Variants in UNC5D observed in about 807,000 individuals in gnomAD.
UNC5D encodes the protein netrin receptor UNC5D.
Under a neutral mutation model 105.4 loss-of-function variants are expected in UNC5D, and 39 were observed. The observed-to-expected ratio is 0.37, with a 90% CI of 0.29 to 0.48. UNC5D has a LOEUF of 0.48. Ranked by LOEUF, UNC5D falls within the 20% of genes least tolerant of loss-of-function variation. The pLI is 0.98. For synonymous variants in UNC5D, 452 were observed against 450.4 expected (o/e 1.00, Z -0.04); for missense variants, 991 against 1,202.4 (o/e 0.82, Z 2.60).
intron 1 of UNC5D, among the ~76,000 whole-genome samples, chr8:35,395,778 C>T (rs2128945168): frequency 6.6e-6 from 1 of 152,288 alleles, no homozygotes; most frequent in South Asian, 2.1e-4. Flanking sequence ...CAGCCTCTGA[C>T]TTTATTTTCC....
chr8:35,280,778 T>A (rs2128849191), intron 1 of UNC5D, among the ~76,000 whole-genome samples: 1 of 152,348 alleles, frequency 6.6e-6, no homozygotes, highest in South Asian at 2.1e-4. Context: ...TGAAAGAGTG[T>A]ATTTCAGTGG....
intron 1 of UNC5D, among the ~76,000 whole-genome samples, chr8:35,329,576 T>A (rs1290223262): frequency 6.6e-6 from 1 of 152,126 alleles, no homozygotes; most frequent in Admixed American, 6.5e-5. Flanking sequence ...GTCTCACTCA[T>A]CATTTTGTTT....
At chr8:35,744,786 C>T (rs1000838836) in intron 11 of UNC5D, among the ~76,000 whole-genome samples, 12 of 152,158 alleles carry the variant, frequency 7.9e-5, no homozygotes, top group Admixed American at 5.9e-4. Flanking sequence ...AGCATGGTGG[C>T]TTATACCTAT....
intron 4 of UNC5D, among the ~76,000 whole-genome samples, chr8:35,665,958 CTTT>C (rs35368800): frequency 7.0e-6 from 1 of 142,022 alleles, no homozygotes; most frequent in African/African-American, 2.5e-5. Flanking sequence ...CTTGGTTATA[CTTT>C]TTTTTTTTTT....
chr8:35,543,767 T>A (rs896606368), intron 1 of UNC5D, among the ~76,000 whole-genome samples: 2 of 152,196 alleles, frequency 1.3e-5, no homozygotes, highest in African/African-American at 4.8e-5. Flanking sequence ...TGGGAGGGGT[T>A]CCTAACACAC....
intron 7 of UNC5D, among the ~76,000 whole-genome samples, chr8:35,700,504 C>A (rs555002119): frequency 6.6e-6 from 1 of 151,702 alleles, no homozygotes; most frequent in East Asian, 1.9e-4. Flanking sequence ...GTTAGTTAGA[C>A]AAACTGTCGA....
chr8:35,765,930 C>G (rs948262792), intron 14 of UNC5D, among the ~76,000 whole-genome samples: 1 of 152,142 alleles, frequency 6.6e-6, no homozygotes, highest in African/African-American at 2.4e-5. Flanking sequence ...TTACCAGAGG[C>G]ATATGTGGTC....
Position 35,509,684 on chromosome 8 carries a change from G to A in UNC5D, c.104-39608G>A, listed in dbSNP as rs570073814. 1.1e-4 allele frequency among the ~76,000 whole-genome samples: 17 copies of A among 151,442 alleles called. No individual in the cohort carries two copies. The East Asian group carries it at 3.4e-3, about 30-fold the overall frequency. On this transcript the variant is annotated intron_variant, in intron 1 of 16. Coordinates refer to ENST00000404895, the MANE Select transcript of UNC5D (RefSeq NM_080872.4). ...TTACCACAACACAGAATACTTCTGT[G>A]ACCTCAGATATTCGTGGGTTTTTCC...
intron 1 of UNC5D, among the ~76,000 whole-genome samples, chr8:35,249,694 G>A (rs753283396): frequency 6.6e-5 from 10 of 151,972 alleles, no homozygotes; most frequent in African/African-American, 1.9e-4. Context: ...CCATAATAAC[G>A]TGCAAAAAGC....
At chr8:35,540,597 T>A (rs888533395) in intron 1 of UNC5D, among the ~76,000 whole-genome samples, 23 of 152,110 alleles carry the variant, frequency 1.5e-4, no homozygotes, top group Non-Finnish European at 2.8e-4. Context: ...GGACTAAATT[T>A]GACATCTTAC....
rs1825823625 is a variant in UNC5D, at chr8:35,683,737, T to C, written c.751+10T>C. ...ACTGTTGTGGTCTACGGTAAGACCA[T>C]TCCAAAGGCCAGGAATGGATAGGGA... On this transcript the variant is annotated intron_variant, in intron 5 of 16. Coordinates refer to ENST00000404895, the MANE Select transcript of UNC5D (RefSeq NM_080872.4). The C allele has an allele frequency of 6.7e-7, 1 of 1,492,272 alleles. No individual in the cohort carries two copies. The highest frequency in any genetic ancestry group is 8.9e-7 in the Non-Finnish European group (1 of 1,126,588). The allele number at this position is 1,492,272 out of a possible 1,614,324, so 92.4% of individuals were successfully genotyped here. A position where few individuals can be genotyped will look rare whatever the true frequency, so the allele number is the denominator to read the frequency against.
At chr8:35,749,742 T>C (rs1342409117) in intron 12 of UNC5D, among the ~76,000 whole-genome samples, 1 of 152,204 alleles carries the variant, frequency 6.6e-6, no homozygotes, top group East Asian at 1.9e-4. Context: ...TTTGCCACTT[T>C]AATTTTTCTT....
intron 7 of UNC5D, among the ~76,000 whole-genome samples, chr8:35,692,047 C>G (rs2131377002): frequency 6.6e-6 from 1 of 152,266 alleles, no homozygotes; most frequent in African/African-American, 2.4e-5. Context: ...GATAGCTAGT[C>G]CGTTCGTCTT....
At chr8:35,306,598 TG>T (rs1432546124) in intron 1 of UNC5D, among the ~76,000 whole-genome samples, 1 of 152,176 alleles carries the variant, frequency 6.6e-6, no homozygotes, top group Non-Finnish European at 1.5e-5. Context: ...TATTAGTAAC[TG>T]TTGGTTACTA....
intron 8 of UNC5D, 74 bp from the exon 9 acceptor site, chr8:35,722,136 C>G (rs1828612651): frequency 6.6e-7 from 1 of 1,525,186 alleles, no homozygotes; most frequent in Non-Finnish European, 8.9e-7. Context: ...AATAGCATTT[C>G]CTTTTGTATT....
At chr8:35,512,465 CATATATAT>C (rs780945660) in intron 1 of UNC5D, among the ~76,000 whole-genome samples, 409 of 20,104 alleles carry the variant, frequency 0.02, 9 homozygotes, top group African/African-American at 0.059. Flanking sequence ...AATAGTGAGC[CATATATAT>C]ATATATATAT....
intron 1 of UNC5D, among the ~76,000 whole-genome samples, chr8:35,526,966 T>C (rs978261871): frequency 4.6e-5 from 7 of 152,250 alleles, no homozygotes; most frequent in East Asian, 3.8e-4. Context: ...GTCAAAACTT[T>C]CTGTGCCTTT....
chr8:35,681,492 T>C lies in UNC5D; in HGVS notation c.571-2055T>C, dbSNP rs986444279. ...AATGAACAAATGGATGGCTCTGAAA[T>C]ATGCAATGGTAGTAGTGAATGGAAG... is the stretch of plus-strand genomic sequence containing the variant. On this transcript the variant is annotated intron_variant, in intron 4 of 16. Coordinates refer to ENST00000404895, the MANE Select transcript of UNC5D (RefSeq NM_080872.4). Among the ~76,000 whole-genome samples the C allele has an allele frequency of 5.9e-5, 9 of 152,328 alleles. No individual in the cohort carries two copies. The East Asian group carries it at 1.7e-3, about 29-fold the overall frequency.
At chr8:35,602,215 A>G (rs1021566278) in intron 4 of UNC5D, among the ~76,000 whole-genome samples, 5 of 152,022 alleles carry the variant, frequency 3.3e-5, no homozygotes, top group African/African-American at 1.2e-4. Context: ...TTTTATTGAG[A>G]ATTTTTGCAT....
Sources: allele counts gnomAD v4.1 joint callset (sites outside exome capture counted in the v4.1 genomes callset), GRCh38; gene constraint gnomAD v4.1.1; transcripts MANE v1.5; gene names NCBI Gene and HGNC (gene_info 2026-07-23, HGNC 2026-07-21).